SMOC1: variants seen among roughly 807,000 people sequenced by gnomAD.
SMOC1 encodes SPARC-related modular calcium-binding protein 1.
Under a neutral mutation model 56.3 loss-of-function variants are expected in SMOC1, and 22 were observed. The observed-to-expected ratio is 0.39, with a 90% CI of 0.28 to 0.56. The LOEUF (loss-of-function observed/expected upper bound fraction) is 0.56, where lower values mean the gene tolerates loss of function less well. SMOC1 is among the 20% of genes least tolerant of loss of function. SMOC1 has a pLI of 0.61. For missense variants in SMOC1, 509 were observed against 565.4 expected, an observed-to-expected ratio of 0.90 and a Z score of 1.01; for synonymous variants, 193 against 215.0, an observed-to-expected ratio of 0.90 and a Z score of 0.89.
chr14:70,020,555 GA>G (rs1885675372), intron 10 of SMOC1, among the ~76,000 whole-genome samples: 1 of 152,154 alleles, frequency 6.6e-6, no homozygotes, highest in Non-Finnish European at 1.5e-5. Context: ...GCCAGTGTTA[GA>G]GGGAGCCCAG....
At chr14:69,948,216 A>T (rs940552190) in intron 1 of SMOC1, among the ~76,000 whole-genome samples, 4 of 152,190 alleles carry the variant, frequency 2.6e-5, no homozygotes, top group Non-Finnish European at 4.4e-5. Context: ...GCTTCATTTT[A>T]TAGAGCTCAC....
chr14:69,886,900 A>G (rs78571775), intron 1 of SMOC1, among the ~76,000 whole-genome samples: 10,694 of 152,318 alleles, frequency 0.07, 413 homozygotes, highest in Non-Finnish European at 0.088. Flanking sequence ...ATCATCTTAG[A>G]ATCTCTAGGA....
intron 3 of SMOC1, among the ~76,000 whole-genome samples, chr14:69,961,578 T>C (rs1883382530): frequency 6.6e-6 from 1 of 151,784 alleles, no homozygotes; most frequent in Admixed American, 6.6e-5. Context: ...GATGGGGTTT[T>C]GCCATGTTGC....
At chr14:69,884,883 T>C (rs1259388990) in intron 1 of SMOC1, among the ~76,000 whole-genome samples, 1 of 152,234 alleles carries the variant, frequency 6.6e-6, no homozygotes, top group East Asian at 1.9e-4. Flanking sequence ...GGCTTTGTTC[T>C]TGTTACTTTT....
At chr14:70,014,331 G>C (rs1331511435) in intron 10 of SMOC1, among the ~76,000 whole-genome samples, 1 of 152,236 alleles carries the variant, frequency 6.6e-6, no homozygotes, top group Non-Finnish European at 1.5e-5. Flanking sequence ...GGAGGAGTCA[G>C]AGCAGGCTTC....
At chr14:69,970,482 A>T (rs1202826119) in intron 3 of SMOC1, among the ~76,000 whole-genome samples, 1 of 152,190 alleles carries the variant, frequency 6.6e-6, no homozygotes, top group Non-Finnish European at 1.5e-5. Flanking sequence ...TGCTGTTATT[A>T]ACTAGCTTTG....
At chr14:69,993,374 A>G (rs1015663240) in intron 6 of SMOC1, among the ~76,000 whole-genome samples, 3 of 152,140 alleles carry the variant, frequency 2.0e-5, no homozygotes, top group Non-Finnish European at 4.4e-5. Context: ...TGAGTACTCC[A>G]TATTCCCTTG....
At chr14:69,999,080 G>C (rs1884875498) in intron 7 of SMOC1, among the ~76,000 whole-genome samples, 1 of 152,164 alleles carries the variant, frequency 6.6e-6, no homozygotes. Flanking sequence ...TTTCTTTTAA[G>C]TTTTACCATG....
At chr14:69,921,646 T>C (rs1042738917) in intron 1 of SMOC1, among the ~76,000 whole-genome samples, 3 of 152,148 alleles carry the variant, frequency 2.0e-5, no homozygotes, top group African/African-American at 7.2e-5. Flanking sequence ...AGGGCTGACA[T>C]AAACCTTAGG....
chr14:69,923,214 G>C (rs1268856247), intron 1 of SMOC1, among the ~76,000 whole-genome samples: 1 of 151,872 alleles, frequency 6.6e-6, no homozygotes, highest in Admixed American at 6.6e-5. Context: ...CAAAGTGCTG[G>C]GATTACAGGC....
At chr14:69,964,214 A>G (rs1226454411) in intron 3 of SMOC1, among the ~76,000 whole-genome samples, 1 of 152,052 alleles carries the variant, frequency 6.6e-6, no homozygotes, top group East Asian at 1.9e-4. Flanking sequence ...CTATTGTGGA[A>G]ATGAAAGGAG....
intron 5 of SMOC1, among the ~76,000 whole-genome samples, chr14:69,978,969 T>C (rs1252180235): frequency 1.3e-5 from 2 of 151,808 alleles, no homozygotes; most frequent in African/African-American, 4.8e-5. Context: ...GCAGAGCTGG[T>C]AGTTGAATGG....
At position 69,903,472 on chromosome 14, in the gene SMOC1, T is replaced by C. The variant is rs1349201894; in HGVS notation, c.99+23695T>C. Among the ~76,000 whole-genome samples the C allele has an allele frequency of 1.4e-4, 22 of 152,092 alleles. No individual in the cohort carries two copies. The East Asian group carries it at 4.1e-3, about 28-fold the overall frequency. On this transcript the variant is annotated intron_variant, in intron 1 of 11. Coordinates refer to ENST00000361956, the MANE Select transcript of SMOC1 (RefSeq NM_001034852.3). The stretch of plus-strand genomic sequence containing the variant: ...TTTTGTCGAATAGAAAAGGGGGAAA[T>C]GTGGGGAAAAGATAGAGAAATCAGA...
chr14:69,978,374 C>T (rs1884049205), intron 5 of SMOC1, among the ~76,000 whole-genome samples: 2 of 152,188 alleles, frequency 1.3e-5, no homozygotes, highest in Non-Finnish European at 2.9e-5. Flanking sequence ...TTTCCCCCCT[C>T]GCTGATGCTC....
chr14:69,952,682 A>C (rs1201542588), intron 2 of SMOC1, among the ~76,000 whole-genome samples: 1 of 152,228 alleles, frequency 6.6e-6, no homozygotes, highest in Admixed American at 6.5e-5. Flanking sequence ...ACAGCAAAAA[A>C]CATTTGGGAT....
intron 1 of SMOC1, among the ~76,000 whole-genome samples, chr14:69,948,043 C>T (rs1263965759): frequency 6.6e-6 from 1 of 152,186 alleles, no homozygotes; most frequent in African/African-American, 2.4e-5. Flanking sequence ...CATGTTGCTT[C>T]CTATGCTGGT....
intron 1 of SMOC1, among the ~76,000 whole-genome samples, chr14:69,910,879 G>A (rs1884539809): frequency 6.6e-6 from 1 of 152,232 alleles, no homozygotes; most frequent in African/African-American, 2.4e-5. Flanking sequence ...CTGAGACTGG[G>A]GACTTTAGTG....
chr14:69,885,566 C>T (rs1024651873), intron 1 of SMOC1: 31 of 1,593,662 alleles, frequency 1.9e-5, no homozygotes, highest in South Asian at 4.4e-5. Flanking sequence ...GTGGACTAGA[C>T]GTCCCAGTCT....
rs139924326 is a variant in SMOC1, at chr14:70,011,456, CA to C, written c.858-27del. 0.32 allele frequency: 436,154 copies of C among 1,346,540 alleles called. 76,533 individuals carry two copies. Among genetic ancestry groups the C allele is most frequent in the East Asian group, 0.42 (18,287 of 43,664 alleles). The allele number at this position is 1,346,540 out of a possible 1,614,324, so 83.4% of individuals were successfully genotyped here. On this transcript the variant is annotated intron_variant, in intron 8 of 11. Transcript: ENST00000361956. The stretch of plus-strand genomic sequence containing the variant: ...AGTAGGCTCAGTTGCCAGCCCCTCC[CA>C]ACCCCCCCCATATCTCTCTTTTCCC...
Sources: allele counts gnomAD v4.1 joint callset (sites outside exome capture counted in the v4.1 genomes callset), GRCh38; gene constraint gnomAD v4.1.1; transcripts MANE v1.5; gene names NCBI Gene and HGNC (gene_info 2026-07-23, HGNC 2026-07-21).